The following SDK1 variants were observed in gnomAD, a reference collection of about 807,000 sequenced individuals.
SDK1 encodes protein sidekick-1.
In SDK1, 157 loss-of-function variants were observed where a neutral mutation model predicts 245.5. The ratio of observed to expected loss-of-function variants is 0.64; its 90% CI spans 0.56 to 0.73. The LOEUF (loss-of-function observed/expected upper bound fraction) is 0.73, where lower values mean the gene tolerates loss of function less well. Among genes scored for constraint, SDK1 ranks in the 30% least tolerant of loss-of-function variants. SDK1 has a pLI of 0.00. For missense variants in SDK1, 3,583 were observed against 3,002.3 expected (o/e 1.19, Z -4.52); for synonymous variants, 1,647 against 1,278.5 (o/e 1.29, Z -6.15).
At chr7:3,808,451 G>T (rs1779304547) in intron 4 of SDK1, among the ~76,000 whole-genome samples, 2 of 152,208 alleles carry the variant, frequency 1.3e-5, no homozygotes, top group South Asian at 4.1e-4. Context: ...GTGGCTAATG[G>T]TTCAGTGGGA....
intron 40 of SDK1, among the ~76,000 whole-genome samples, chr7:4,221,714 G>A (rs1289502550): frequency 2.0e-5 from 3 of 152,206 alleles, no homozygotes; most frequent in African/African-American, 4.8e-5. Context: ...ACTCATGTCA[G>A]GGTTCTAAAT....
intron 5 of SDK1, among the ~76,000 whole-genome samples, chr7:3,870,198 G>C (rs1780922428): frequency 6.6e-6 from 1 of 152,128 alleles, no homozygotes; most frequent in African/African-American, 2.4e-5. Context: ...TTATAAACTA[G>C]GGGCCATAGT....
intron 1 of SDK1, among the ~76,000 whole-genome samples, chr7:3,392,012 A>T (rs949730854): frequency 6.7e-6 from 1 of 149,648 alleles, no homozygotes; most frequent in Non-Finnish European, 1.5e-5. Flanking sequence ...GCTTAAATGC[A>T]ACAAAGACCA....
chr7:3,579,364 G>C (rs967167948), intron 1 of SDK1, among the ~76,000 whole-genome samples: 2 of 152,202 alleles, frequency 1.3e-5, no homozygotes, highest in African/African-American at 4.8e-5. Context: ...TGCAAGGTTG[G>C]TTCAAGATAT....
chr7:3,559,798 C>T (rs1017161700), intron 1 of SDK1, among the ~76,000 whole-genome samples: 22 of 150,466 alleles, frequency 1.5e-4, no homozygotes, highest in Non-Finnish European at 3.1e-4. Context: ...CGGAAACAAG[C>T]ACAGATGAAC....
intron 32 of SDK1, among the ~76,000 whole-genome samples, chr7:4,168,177 T>G (rs980089839): frequency 1.3e-5 from 2 of 152,208 alleles, no homozygotes; most frequent in African/African-American, 2.4e-5. Flanking sequence ...CTCTGCCAGC[T>G]GCTGCCTTCA....
intron 22 of SDK1, among the ~76,000 whole-genome samples, chr7:4,085,551 A>AT (rs891731868): frequency 6.6e-6 from 1 of 151,534 alleles, no homozygotes; most frequent in Non-Finnish European, 1.5e-5. Flanking sequence ...ATCATTTTAC[A>AT]TTTTTTTTAT....
At chr7:3,890,806 G>T (rs969040385) in intron 5 of SDK1, among the ~76,000 whole-genome samples, 1 of 152,196 alleles carries the variant, frequency 6.6e-6, no homozygotes, top group Admixed American at 6.5e-5. Flanking sequence ...GCCAGGTGTT[G>T]TGGTGGGTGC....
At chr7:3,558,041 C>G (rs1180636896) in intron 1 of SDK1, among the ~76,000 whole-genome samples, 1 of 113,946 alleles carries the variant, frequency 8.8e-6, no homozygotes, top group Non-Finnish European at 1.6e-5. Context: ...TTTGAAGTTT[C>G]CCTTAAGTAT....
At chr7:3,514,917 T>C (rs1231227033) in intron 1 of SDK1, among the ~76,000 whole-genome samples, 2 of 152,178 alleles carry the variant, frequency 1.3e-5, no homozygotes, top group East Asian at 3.9e-4. Context: ...CTCATTTAAG[T>C]GTGACAAGAG....
chr7:4,048,476 C>T (rs1789185418), intron 17 of SDK1, among the ~76,000 whole-genome samples: 1 of 152,118 alleles, frequency 6.6e-6, no homozygotes, highest in Non-Finnish European at 1.5e-5. Context: ...CAGCACCCCG[C>T]TTCCCCCCAC....
intron 20 of SDK1, 85 bp downstream of exon 20, chr7:4,068,021 A>G (rs925529629): frequency 8.6e-6 from 8 of 926,876 alleles, no homozygotes; most frequent in Admixed American, 4.2e-5. Context: ...CAAACTGCTG[A>G]CAGCATGGAC....
At chr7:3,925,336 C>T (rs1779731208) in intron 5 of SDK1, among the ~76,000 whole-genome samples, 1 of 152,148 alleles carries the variant, frequency 6.6e-6, no homozygotes, top group African/African-American at 2.4e-5. Flanking sequence ...GCGTAGAAGC[C>T]CTGCCCTCTG....
intron 4 of SDK1, among the ~76,000 whole-genome samples, chr7:3,687,056 A>AACACACACACACACACAC (rs200034994): frequency 0.012 from 1,616 of 135,116 alleles, 30 homozygotes; most frequent in African/African-American, 0.029. Context: ...ATAGCATCAA[A>AACACACACACACACACAC]ACACACACAC....
rs987749649 is a variant in SDK1 at position 4,231,151 on chromosome 7, A to G, written c.5828-2104A>G. On this transcript the variant is annotated intron_variant, in intron 40 of 44. Transcript: ENST00000404826. ...CAGCATAAACTACATACAGCCAGCAATCTGTGTGTGAACCTCAGCATCCTA... is the reference window on the plus strand; with the variant it reads ...CAGCATAAACTACATACAGCCAGCAGTCTGTGTGTGAACCTCAGCATCCTA... 4.6e-5 allele frequency among the ~76,000 whole-genome samples: 7 copies of G among 152,196 alleles called. 1 individual carries two copies. The highest frequency in any genetic ancestry group is 3.9e-4 in the East Asian group (2 of 5,194).
intron 1 of SDK1, among the ~76,000 whole-genome samples, chr7:3,546,008 TTTA>T (rs1412770247): frequency 1.3e-5 from 2 of 152,232 alleles, no homozygotes; most frequent in Admixed American, 6.5e-5. Context: ...TCTTCATTAT[TTTA>T]TTATTATGAA....
rs530860054 is a variant in SDK1, at chr7:3,527,900, A to G, written c.299-91180A>G. Among the ~76,000 whole-genome samples, 258 of 129,128 alleles carry G rather than the reference A, an allele frequency of 2.0e-3. 2 individuals are homozygous for G. Among genetic ancestry groups the G allele is most frequent in the Middle Eastern group, 6.6e-3 (1 of 152 alleles). 84.7% of individuals were successfully genotyped at this position (129,128 alleles called of 152,430 possible). On this transcript the variant is annotated intron_variant, in intron 1 of 44. Coordinates refer to ENST00000404826, the MANE Select transcript of SDK1 (RefSeq NM_152744.4). ...AGCTAGAGAGTGAATGGTAGGAGGT[A>G]AGGTTGGATCATGGCCAGCTAGGGG...
chr7:3,943,486 G>C (rs1780453360), intron 5 of SDK1, among the ~76,000 whole-genome samples: 2 of 102,038 alleles, frequency 2.0e-5, no homozygotes, highest in Non-Finnish European at 4.2e-5. Context: ...TGCCTACAGG[G>C]CTGCTTCCTT....
intron 1 of SDK1, among the ~76,000 whole-genome samples, chr7:3,557,151 T>C (rs2128624994): frequency 6.6e-6 from 1 of 151,262 alleles, no homozygotes; most frequent in East Asian, 2.0e-4. Context: ...AGAAAAAAAA[T>C]CAATGTATCA....
Sources: gnomAD v4.1 joint callset for allele counts (sites outside exome capture counted in the v4.1 genomes callset) on GRCh38, gnomAD v4.1.1 for gene constraint, MANE v1.5 for transcripts, NCBI Gene and HGNC (gene_info 2026-07-23, HGNC 2026-07-21) for gene names.